The following EPHA6 variants were observed in gnomAD, a reference collection of about 807,000 sequenced individuals.
EPHA6 encodes the protein ephrin type-A receptor 6.
In EPHA6, 50 loss-of-function variants were observed where a neutral mutation model predicts 112.0. That is an observed-to-expected ratio of 0.45 (90% CI 0.36 to 0.56). The LOEUF (loss-of-function observed/expected upper bound fraction) is 0.56, where lower values mean the gene tolerates loss of function less well. Ranked by LOEUF, EPHA6 falls within the 20% of genes least tolerant of loss-of-function variation. The pLI, the probability that EPHA6 is intolerant of heterozygous loss-of-function variation, is 0.00. For synonymous variants in EPHA6, 529 were observed against 490.7 expected (o/e 1.08, Z -1.03); for missense variants, 1,280 against 1,417.4 (o/e 0.90, Z 1.56).
chr3:97,729,561 T>A (rs1458553887), intron 15 of EPHA6, among the ~76,000 whole-genome samples: 1 of 152,008 alleles, frequency 6.6e-6, no homozygotes, highest in East Asian at 1.9e-4. Flanking sequence ...TACCTGCCAC[T>A]GGGTTCCTCC....
At position 97,240,735 on chromosome 3, in the gene EPHA6, C is replaced by T. The variant is rs538518476; in HGVS notation, c.1271-3217C>T. The stretch of plus-strand genomic sequence containing the variant: ...CATGTTCTGCAGAATGCTAGTATTC[C>T]TCTAGATGATCCTTGGAAAATAAGA... On this transcript the variant is annotated intron_variant, in intron 4 of 17. Transcript: ENST00000389672. Among the ~76,000 whole-genome samples, 42 of 151,798 alleles carry T rather than the reference C, an allele frequency of 2.8e-4. No homozygotes were observed. In the South Asian group the frequency reaches 6.6e-3, roughly 24 times the overall value.
At chr3:97,375,974 T>C (rs1359289442) in intron 5 of EPHA6, among the ~76,000 whole-genome samples, 1 of 152,118 alleles carries the variant, frequency 6.6e-6, no homozygotes, top group African/African-American at 2.4e-5. Context: ...AATACAAATA[T>C]CCAGTATCTT....
In EPHA6 at chr3:97,532,515, C is replaced by A. The variant is rs1485064929; in HGVS notation, c.2358C>A (p.Ile786=). The A allele has an allele frequency of 1.2e-6, 2 of 1,610,604 alleles. No individual in the cohort carries two copies. The highest frequency in any genetic ancestry group is 8.5e-7 in the Non-Finnish European group (1 of 1,178,182). The change falls in exon 11 of 18, where the codon ATC becomes ATA. Residue 786 remains isoleucine, a synonymous_variant. Transcript: ENST00000389672. The stretch of plus-strand genomic sequence containing the variant: ...TGGGCCAGTTTGACCATCCAAACAT[C>A]ATTCGCCTAGAAGGGGTTGTCACCA... ...SIMGQFDHPN[I]IRLEGVVTKR... is the part of the protein sequence containing the mutation.
intron 3 of EPHA6, among the ~76,000 whole-genome samples, chr3:96,997,082 A>G (rs2043450289): frequency 6.6e-6 from 1 of 151,952 alleles, no homozygotes; most frequent in Non-Finnish European, 1.5e-5. Context: ...TTGTGAACCA[A>G]CTGCTGTTGG....
chr3:97,360,198 G>T (rs1489708754), intron 5 of EPHA6, among the ~76,000 whole-genome samples: 1 of 152,190 alleles, frequency 6.6e-6, no homozygotes, highest in African/African-American at 2.4e-5. Context: ...AGAGCTGAGA[G>T]TGAGGGATGG....
At chr3:97,263,476 G>C (rs932515649) in intron 5 of EPHA6, among the ~76,000 whole-genome samples, 1 of 133,736 alleles carries the variant, frequency 7.5e-6, no homozygotes, top group African/African-American at 3.5e-5. Context: ...CACCCGCTAG[G>C]CAAATAAGGT....
intron 3 of EPHA6, among the ~76,000 whole-genome samples, chr3:97,151,749 G>T (rs1193948972): frequency 6.6e-6 from 1 of 151,856 alleles, no homozygotes; most frequent in Non-Finnish European, 1.5e-5. Context: ...AAAATTTAAT[G>T]TGAAAAATAA....
intron 5 of EPHA6, among the ~76,000 whole-genome samples, chr3:97,399,081 G>A (rs1406100150): frequency 6.6e-6 from 1 of 151,400 alleles, no homozygotes; most frequent in African/African-American, 2.4e-5. Flanking sequence ...GTATTGTTTA[G>A]CTAACTTTTC....
chr3:97,359,826 A>ATT (rs201178860), intron 5 of EPHA6, among the ~76,000 whole-genome samples: 3,574 of 152,018 alleles, frequency 0.024, 131 homozygotes, highest in African/African-American at 0.079. Flanking sequence ...TGCGGTGTAA[A>ATT]CGTAAGGTCT....
At chr3:97,318,942 A>G (rs1039492793) in intron 5 of EPHA6, among the ~76,000 whole-genome samples, 4 of 151,918 alleles carry the variant, frequency 2.6e-5, no homozygotes, top group East Asian at 3.9e-4. Flanking sequence ...CAACATTCCA[A>G]TAGTAGAATT....
chr3:97,746,389 TACC>T (rs2035716408), intron 16 of EPHA6, among the ~76,000 whole-genome samples: 1 of 151,822 alleles, frequency 6.6e-6, no homozygotes, highest in Admixed American at 6.6e-5. Context: ...AAAGCACTTT[TACC>T]ACCAAGTATT....
At chr3:97,508,177 G>T (rs2092293960) in intron 10 of EPHA6, among the ~76,000 whole-genome samples, 1 of 151,778 alleles carries the variant, frequency 6.6e-6, no homozygotes, top group Non-Finnish European at 1.5e-5. Flanking sequence ...CTTCTGCTCT[G>T]ATCTTAGTTA....
At chr3:97,213,204 G>A (rs2077927416) in intron 3 of EPHA6, among the ~76,000 whole-genome samples, 1 of 152,162 alleles carries the variant, frequency 6.6e-6, no homozygotes, top group South Asian at 2.1e-4. Flanking sequence ...TTGGCAAGAA[G>A]GCTGAGGCTT....
At chr3:96,934,996 CATAAT>C (rs1281347299) in intron 2 of EPHA6, among the ~76,000 whole-genome samples, 1 of 151,646 alleles carries the variant, frequency 6.6e-6, no homozygotes, top group African/African-American at 2.4e-5. Context: ...AACTTTCAAT[CATAAT>C]ATAAAGATTC....
chr3:97,539,870 T>C (rs2092824493), intron 11 of EPHA6, among the ~76,000 whole-genome samples: 1 of 152,156 alleles, frequency 6.6e-6, no homozygotes, highest in African/African-American at 2.4e-5. Context: ...ATGCTTGAAG[T>C]AGCTCCCATG....
intron 3 of EPHA6, among the ~76,000 whole-genome samples, chr3:97,042,671 C>T (rs2045358682): frequency 6.6e-6 from 1 of 152,128 alleles, no homozygotes; most frequent in Non-Finnish European, 1.5e-5. Context: ...CATTAGAGAA[C>T]TCCCCTGCTT....
intron 7 of EPHA6, among the ~76,000 whole-genome samples, chr3:97,461,818 C>T (rs1245307694): frequency 1.3e-5 from 2 of 152,066 alleles, no homozygotes; most frequent in Non-Finnish European, 2.9e-5. Flanking sequence ...AAGCACTGGA[C>T]AATTTGACTC....
chr3:97,327,352 G>T (rs2082483469), intron 5 of EPHA6, among the ~76,000 whole-genome samples: 1 of 151,888 alleles, frequency 6.6e-6, no homozygotes, highest in African/African-American at 2.4e-5. Context: ...TGTGTACTTT[G>T]TCCTCCAGTT....
chr3:97,690,766 C>T (rs2032611800), intron 14 of EPHA6, among the ~76,000 whole-genome samples: 1 of 152,274 alleles, frequency 6.6e-6, no homozygotes, highest in African/African-American at 2.4e-5. Flanking sequence ...CCATGCCCAG[C>T]CTTGCCCATT....
Sources: gnomAD v4.1 joint callset for allele counts (sites outside exome capture counted in the v4.1 genomes callset) on GRCh38, gnomAD v4.1.1 for gene constraint, MANE v1.5 for transcripts, NCBI Gene and HGNC (gene_info 2026-07-23, HGNC 2026-07-21) for gene names.